Variants in B3GALT1 observed in about 807,000 individuals in gnomAD.
The protein encoded by B3GALT1 is UDP-Gal:betaGlcNAc beta 1,3-galactosyltransferase, polypeptide 1.
Under a neutral mutation model 23.2 loss-of-function variants are expected in B3GALT1, and 10 were observed. That is an observed-to-expected ratio of 0.43 (90% CI 0.27 to 0.73). The LOEUF (loss-of-function observed/expected upper bound fraction) is 0.73. Among genes scored for constraint, B3GALT1 ranks in the 30% least tolerant of loss-of-function variants. The pLI is 0.21. For synonymous variants in B3GALT1, 156 were observed against 141.5 expected (o/e 1.10, Z -0.73); for missense variants, 299 against 405.4 (o/e 0.74, Z 2.25).
chr2:167,697,365 C>T (rs1227446638), intron 3 of B3GALT1, among the ~76,000 whole-genome samples: 3 of 152,192 alleles, frequency 2.0e-5, no homozygotes, highest in Non-Finnish European at 4.4e-5. Context: ...CAAAGCTCCA[C>T]ACCTGGGCTG....
chr2:167,402,190 A>G (rs376714416), intron 1 of B3GALT1, among the ~76,000 whole-genome samples: 7 of 152,122 alleles, frequency 4.6e-5, no homozygotes, highest in African/African-American at 1.4e-4. Context: ...TTTAATTTCT[A>G]AAGAGAGTTC....
At chr2:167,704,183 CA>C (rs5836157) in intron 3 of B3GALT1, among the ~76,000 whole-genome samples, 7 of 112,914 alleles carry the variant, frequency 6.2e-5, no homozygotes, top group Middle Eastern at 5.8e-3. Context: ...TCAGTCTCAA[CA>C]AAAAAAAAAA....
At chr2:167,491,422 T>C (rs935802823) in intron 2 of B3GALT1, among the ~76,000 whole-genome samples, 1 of 151,996 alleles carries the variant, frequency 6.6e-6, no homozygotes, top group Non-Finnish European at 1.5e-5. Flanking sequence ...TGACCAGAAT[T>C]GTAGTCTTTG....
intron 1 of B3GALT1, among the ~76,000 whole-genome samples, chr2:167,438,402 A>G (rs1454805413): frequency 6.6e-6 from 1 of 152,196 alleles, no homozygotes; most frequent in African/African-American, 2.4e-5. Context: ...GAAGGCTGTG[A>G]TTGGTGAATG....
intron 2 of B3GALT1, among the ~76,000 whole-genome samples, chr2:167,552,341 A>T (rs551614276): frequency 2.6e-5 from 4 of 152,336 alleles, no homozygotes; most frequent in Admixed American, 6.5e-5. Flanking sequence ...GATATTTCAT[A>T]TAAAAATTTA....
intron 2 of B3GALT1, among the ~76,000 whole-genome samples, chr2:167,528,229 G>A (rs1467129304): frequency 6.6e-6 from 1 of 152,162 alleles, no homozygotes; most frequent in Non-Finnish European, 1.5e-5. Context: ...TGTGCTTCAA[G>A]CATCCTGGGC....
At chr2:167,667,446 G>A (rs1305636293) in intron 3 of B3GALT1, among the ~76,000 whole-genome samples, 4 of 151,902 alleles carry the variant, frequency 2.6e-5, no homozygotes, top group Non-Finnish European at 2.9e-5. Context: ...TGCTCTTCTC[G>A]AGGAGTATCT....
At chr2:167,384,048 G>A (rs535614824) in intron 1 of B3GALT1, among the ~76,000 whole-genome samples, 63 of 152,308 alleles carry the variant, frequency 4.1e-4, no homozygotes, top group African/African-American at 1.4e-3. Context: ...AGAGTAAAGA[G>A]CACCAGTTAC....
chr2:167,820,458 C>G (rs1210708848), intron 4 of B3GALT1, among the ~76,000 whole-genome samples: 1 of 152,172 alleles, frequency 6.6e-6, no homozygotes, highest in Non-Finnish European at 1.5e-5. Flanking sequence ...TATGGCACTT[C>G]CATGCTGGAG....
At chr2:167,843,254 A>C (rs187093162) in intron 4 of B3GALT1, among the ~76,000 whole-genome samples, 1 of 152,370 alleles carries the variant, frequency 6.6e-6, no homozygotes, top group East Asian at 1.9e-4. Flanking sequence ...CTGCCTTTAT[A>C]TGAAAGATTA....
intron 1 of B3GALT1, among the ~76,000 whole-genome samples, chr2:167,418,972 C>A (rs1050015340): frequency 1.3e-5 from 2 of 152,190 alleles, no homozygotes; most frequent in African/African-American, 4.8e-5. Context: ...CACCACTTAG[C>A]CCCAGGCTGC....
chr2:167,520,207 A>G (rs1230544399), intron 2 of B3GALT1, among the ~76,000 whole-genome samples: 1 of 152,216 alleles, frequency 6.6e-6, no homozygotes, highest in Admixed American at 6.5e-5. Flanking sequence ...CAATGATACC[A>G]GCATTTTAGT....
intron 1 of B3GALT1, among the ~76,000 whole-genome samples, chr2:167,463,597 A>G (rs906647651): frequency 6.6e-6 from 1 of 152,188 alleles, no homozygotes; most frequent in African/African-American, 2.4e-5. Context: ...TCACATACCT[A>G]TATGATAAAG....
intron 3 of B3GALT1, among the ~76,000 whole-genome samples, chr2:167,795,385 C>T (rs1264584720): frequency 1.3e-5 from 2 of 152,178 alleles, no homozygotes; most frequent in Non-Finnish European, 2.9e-5. Context: ...CACAGAATAA[C>T]TCACTTTTGC....
intron 2 of B3GALT1, among the ~76,000 whole-genome samples, chr2:167,560,126 C>A (rs1683944198): frequency 6.6e-6 from 1 of 152,090 alleles, no homozygotes; most frequent in South Asian, 2.1e-4. Flanking sequence ...ACTCTACAAG[C>A]CAGAAGAGAG....
At chr2:167,317,593 G>C (rs1157136677) in intron 1 of B3GALT1, among the ~76,000 whole-genome samples, 1 of 152,062 alleles carries the variant, frequency 6.6e-6, no homozygotes, top group Non-Finnish European at 1.5e-5. Context: ...TTACAGTTTT[G>C]TGTGGGTATA....
chr2:167,602,397 C>A (rs1730727), intron 2 of B3GALT1, among the ~76,000 whole-genome samples: 11,943 of 152,092 alleles, frequency 0.079, 996 homozygotes, highest in African/African-American at 0.2. Flanking sequence ...AATTTGTAGA[C>A]CATATTTAGG....
intron 1 of B3GALT1, among the ~76,000 whole-genome samples, chr2:167,319,310 C>G (rs1696766549): frequency 6.6e-6 from 1 of 152,094 alleles, no homozygotes; most frequent in South Asian, 2.1e-4. Flanking sequence ...TTTCCTCACT[C>G]TAGTTTACAT....
At chr2:167,631,732 C>CCTCTCT (rs72124360) in intron 2 of B3GALT1, among the ~76,000 whole-genome samples, 5 of 141,042 alleles carry the variant, frequency 3.5e-5, no homozygotes, top group African/African-American at 1.3e-4. Context: ...AGCTTTCTTT[C>CCTCTCT]CTCTCTCTCT....
Sources: allele counts gnomAD v4.1 joint callset (sites outside exome capture counted in the v4.1 genomes callset), GRCh38; gene constraint gnomAD v4.1.1; transcripts MANE v1.5; gene names NCBI Gene and HGNC (gene_info 2026-07-23, HGNC 2026-07-21).